Variants in HTR1F observed in about 807,000 individuals in gnomAD.
HTR1F encodes 5-hydroxytryptamine receptor 1F, also known as 5-hydroxytryptamine (serotonin) receptor 1F, G protein-coupled.
In HTR1F, 17 loss-of-function variants were observed where a neutral mutation model predicts 24.0. The observed-to-expected ratio is 0.71, with a 90% confidence interval of 0.48 to 1.06. HTR1F has a LOEUF of 1.06. Among genes scored for constraint, HTR1F ranks in the 50% least tolerant of loss-of-function variants. The probability of loss-of-function intolerance (pLI) is 0.00; values close to 1 mark genes in which losing one functional copy is unlikely to be tolerated. For synonymous variants in HTR1F, 186 were observed against 156.8 expected (o/e 1.19, Z -1.39); for missense variants, 391 against 427.8 (o/e 0.91, Z 0.76).
At position 87,947,885 on chromosome 3, in the gene HTR1F, A is replaced by C. The variant is rs1576076868; in HGVS notation, c.-42-42823A>C. Among the ~76,000 whole-genome samples the C allele has an allele frequency of 2.0e-5, 3 of 152,278 alleles. No homozygotes were observed. In the South Asian group the frequency reaches 6.2e-4, roughly 32 times the overall value. On this transcript the variant is annotated intron_variant, in intron 2 of 2. Transcript: ENST00000319595. Reference sequence around the variant, plus strand: ...TTTCTTAACACACTCAAATCGAATAATGTTGATATGTCACTTTAAATTTGT... The same window carrying C: ...TTTCTTAACACACTCAAATCGAATACTGTTGATATGTCACTTTAAATTTGT...
chr3:87,838,196 A>G (rs570546173), intron 2 of HTR1F, among the ~76,000 whole-genome samples: 15 of 152,276 alleles, frequency 9.9e-5, no homozygotes, highest in African/African-American at 1.4e-4. Context: ...TTAAGGGCTG[A>G]TTATCTGGAG....
At chr3:87,965,287 T>C (rs934045491) in intron 2 of HTR1F, among the ~76,000 whole-genome samples, 2 of 152,320 alleles carry the variant, frequency 1.3e-5, no homozygotes, top group African/African-American at 4.8e-5. Context: ...AAAGTCTGAA[T>C]TGGTGACATA....
chr3:87,945,017 G>GTTGTTTTGTT (rs147538762), intron 2 of HTR1F, among the ~76,000 whole-genome samples: 2 of 151,764 alleles, frequency 1.3e-5, no homozygotes, highest in Non-Finnish European at 2.9e-5. Flanking sequence ...GGGCACACTG[G>GTTGTTTTGTT]TTGTTTTGTT....
intron 2 of HTR1F, among the ~76,000 whole-genome samples, chr3:87,913,561 C>T (rs1422611662): frequency 6.6e-6 from 1 of 152,072 alleles, no homozygotes; most frequent in African/African-American, 2.4e-5. Flanking sequence ...ACCATTTGAC[C>T]CAGCAATCCC....
At chr3:87,808,094 C>T (rs1704101781) in intron 1 of HTR1F, among the ~76,000 whole-genome samples, 1 of 151,366 alleles carries the variant, frequency 6.6e-6, no homozygotes, top group Non-Finnish European at 1.5e-5. Context: ...TTGTTGTGCC[C>T]TTGTCTGGTT....
intron 2 of HTR1F, among the ~76,000 whole-genome samples, chr3:87,964,041 C>G (rs896945846): frequency 6.6e-6 from 1 of 152,114 alleles, no homozygotes; most frequent in Non-Finnish European, 1.5e-5. Context: ...CAGCAGGACT[C>G]AGGAACCCAA....
intron 2 of HTR1F, among the ~76,000 whole-genome samples, chr3:87,827,079 G>A (rs1704479369): frequency 6.6e-6 from 1 of 151,844 alleles, no homozygotes; most frequent in Non-Finnish European, 1.5e-5. Context: ...CCAAAGTGTG[G>A]GAATTACAGG....
At position 87,807,096 on chromosome 3, in the gene HTR1F, G is replaced by T. The variant is rs114891569; in HGVS notation, c.-160+14254G>T. Among the ~76,000 whole-genome samples the T allele has an allele frequency of 6.6e-3, 1,007 of 151,996 alleles. 7 individuals are homozygous for T. Among genetic ancestry groups the T allele is most frequent in the Middle Eastern group, 0.031 (9 of 294 alleles). On this transcript the variant is annotated intron_variant, in intron 1 of 2. Coordinates refer to ENST00000319595, the MANE Select transcript of HTR1F (RefSeq NM_001322209.2). ...AGTTTTGTCCTTTTTGCTCAGGATT[G>T]CTTTGGCTATTTGGGCTCTTTTAGT...
At chr3:87,797,890 G>A (rs544469021) in intron 1 of HTR1F, among the ~76,000 whole-genome samples, 1 of 152,276 alleles carries the variant, frequency 6.6e-6, no homozygotes, top group South Asian at 2.1e-4. Context: ...AATACTGTGG[G>A]AGCAAACCCT....
chr3:87,838,977 T>C (rs1704739627), intron 2 of HTR1F, among the ~76,000 whole-genome samples: 1 of 151,606 alleles, frequency 6.6e-6, no homozygotes, highest in Non-Finnish European at 1.5e-5. Context: ...ATTGTCTCTT[T>C]ATTCTATTGA....
At chr3:87,819,001 G>A (rs1395367332) in intron 1 of HTR1F, among the ~76,000 whole-genome samples, 1 of 152,018 alleles carries the variant, frequency 6.6e-6, no homozygotes, top group Non-Finnish European at 1.5e-5. Flanking sequence ...AAAATTCCAG[G>A]AAATAGAAAA....
At chr3:87,922,207 A>G (rs1458363371) in intron 2 of HTR1F, among the ~76,000 whole-genome samples, 2 of 151,928 alleles carry the variant, frequency 1.3e-5, no homozygotes, top group Non-Finnish European at 2.9e-5. Flanking sequence ...TGTTTTTTGT[A>G]TAATAGCCAT....
chr3:87,991,562 A>G lies in HTR1F; in HGVS notation c.813A>G (p.Glu271=). ...GCACAGTGAGAAGTCTCAGGTCTGA[A>G]TTCAAGCATGAGAAATCTTGGAGAA... ...IHSTVRSLRS[E]FKHEKSWRRQ... is the part of the protein sequence containing the mutation. The change falls in exon 3 of 3, where the codon GAA becomes GAG. Residue 271 remains glutamate (E), a synonymous_variant. Transcript: ENST00000319595. 6.2e-7 allele frequency: 1 copy of G among 1,614,112 alleles called. No homozygotes were observed. The highest frequency in any genetic ancestry group is 1.3e-5 in the African/African-American group (1 of 75,058).
intron 2 of HTR1F, among the ~76,000 whole-genome samples, chr3:87,875,204 G>A (rs748335981): frequency 4.0e-5 from 6 of 151,898 alleles, no homozygotes; most frequent in Non-Finnish European, 7.4e-5. Flanking sequence ...TAGTCCCAGC[G>A]CTTTGGGAGG....
chr3:87,905,976 G>T (rs114913905), intron 2 of HTR1F, among the ~76,000 whole-genome samples: 3 of 152,012 alleles, frequency 2.0e-5, no homozygotes, highest in Non-Finnish European at 4.4e-5. Flanking sequence ...GGGACTTTAG[G>T]ATGGCTGGCA....
intron 2 of HTR1F, among the ~76,000 whole-genome samples, chr3:87,859,385 A>G (rs1484948457): frequency 6.6e-6 from 1 of 152,202 alleles, no homozygotes; most frequent in African/African-American, 2.4e-5. Flanking sequence ...GTTTACTAAT[A>G]TGTAGTTTGC....
intron 2 of HTR1F, among the ~76,000 whole-genome samples, chr3:87,924,517 T>C (rs561673370): frequency 6.6e-6 from 1 of 152,178 alleles, no homozygotes; most frequent in African/African-American, 2.4e-5. Flanking sequence ...GTCCTTTTGC[T>C]TCCAGATCTA....
chr3:87,912,633 C>CAAAAAA (rs35147140), intron 2 of HTR1F, among the ~76,000 whole-genome samples: 11 of 84,496 alleles, frequency 1.3e-4, no homozygotes, highest in East Asian at 3.9e-4. Flanking sequence ...CAATCCTAGG[C>CAAAAAA]AAAAAAAAAA....
chr3:87,924,856 G>T (rs1259176693), intron 2 of HTR1F, among the ~76,000 whole-genome samples: 1 of 152,028 alleles, frequency 6.6e-6, no homozygotes, highest in African/African-American at 2.4e-5. Context: ...AGGACATTTT[G>T]GGGTTCAATC....
Sources: allele counts gnomAD v4.1 joint callset (sites outside exome capture counted in the v4.1 genomes callset), GRCh38; gene constraint gnomAD v4.1.1; transcripts MANE v1.5; gene names NCBI Gene and HGNC (gene_info 2026-07-23, HGNC 2026-07-21).